Variants in GABBR2 observed in about 807,000 individuals in gnomAD.
GABBR2 encodes gamma-aminobutyric acid type B receptor subunit 2, also known as G-protein coupled receptor 51.
Under a neutral mutation model 105.6 loss-of-function variants are expected in GABBR2, and 23 were observed. The observed-to-expected ratio is 0.22, with a 90% CI of 0.16 to 0.31. The LOEUF is 0.31. GABBR2 is among the 10% of genes least tolerant of loss of function. The pLI is 1.00. For missense variants in GABBR2, 734 were observed against 1,245.5 expected (o/e 0.59, Z 6.18); for synonymous variants, 478 against 499.7 (o/e 0.96, Z 0.58).
chr9:98,327,564 A>C (rs1298341002), intron 13 of GABBR2, among the ~76,000 whole-genome samples: 2 of 152,162 alleles, frequency 1.3e-5, no homozygotes, highest in African/African-American at 4.8e-5. Context: ...AATAAAATTA[A>C]ATTTATTAAC....
intron 1 of GABBR2, among the ~76,000 whole-genome samples, chr9:98,630,517 C>A (rs1198563578): frequency 6.6e-6 from 1 of 152,194 alleles, no homozygotes; most frequent in Non-Finnish European, 1.5e-5. Flanking sequence ...CAAAGACCTA[C>A]TGAGGCAGGA....
intron 4 of GABBR2, among the ~76,000 whole-genome samples, chr9:98,493,180 G>C (rs1680790805): frequency 6.6e-6 from 1 of 152,084 alleles, no homozygotes; most frequent in Non-Finnish European, 1.5e-5. Context: ...GCCATTGGGA[G>C]CTCTTTCAAT....
intron 12 of GABBR2, among the ~76,000 whole-genome samples, chr9:98,365,210 AG>A (rs752966459): frequency 3.3e-5 from 5 of 152,234 alleles, no homozygotes; most frequent in Non-Finnish European, 7.3e-5. Context: ...TTCTTTTTAA[AG>A]TGTGGTCAGT....
intron 7 of GABBR2, among the ~76,000 whole-genome samples, chr9:98,420,366 C>T (rs565345006): frequency 5.3e-5 from 8 of 152,170 alleles, no homozygotes; most frequent in Admixed American, 1.3e-4. Context: ...CGCCAGAGCC[C>T]CAGTGGCTGT....
chr9:98,309,726 T>C (rs3780443), intron 14 of GABBR2, among the ~76,000 whole-genome samples: 38,450 of 152,170 alleles, frequency 0.25, 5,150 homozygotes, highest in South Asian at 0.4. Flanking sequence ...GGGTACCTCC[T>C]GTGGACACCC....
At chr9:98,623,624 T>C (rs1829697813) in intron 1 of GABBR2, among the ~76,000 whole-genome samples, 1 of 152,172 alleles carries the variant, frequency 6.6e-6, no homozygotes, top group South Asian at 2.1e-4. Flanking sequence ...CTGTAATCCT[T>C]GGCTCATGGC....
intron 7 of GABBR2, among the ~76,000 whole-genome samples, chr9:98,413,655 C>A (rs1832629934): frequency 6.6e-6 from 1 of 152,216 alleles, no homozygotes; most frequent in African/African-American, 2.4e-5. Flanking sequence ...CACTGCCAGC[C>A]TTCGGCGGGT....
intron 1 of GABBR2, among the ~76,000 whole-genome samples, chr9:98,591,188 G>A (rs894970067): frequency 6.6e-6 from 1 of 152,222 alleles, no homozygotes; most frequent in African/African-American, 2.4e-5. Context: ...CATTTGAGCT[G>A]AGCCTTGCGA....
chr9:98,519,057 G>T (rs1446282119), intron 3 of GABBR2, among the ~76,000 whole-genome samples: 4 of 152,212 alleles, frequency 2.6e-5, no homozygotes, highest in Admixed American at 6.5e-5. Context: ...AGTCTGAATG[G>T]AATTTTCCAA....
At chr9:98,327,001 C>T (rs1830935781) in intron 13 of GABBR2, among the ~76,000 whole-genome samples, 1 of 152,222 alleles carries the variant, frequency 6.6e-6, no homozygotes, top group South Asian at 2.1e-4. Flanking sequence ...CCTCGATGAA[C>T]TCTGGAGATT....
At chr9:98,634,761 G>A (rs1282074143) in intron 1 of GABBR2, among the ~76,000 whole-genome samples, 2 of 152,168 alleles carry the variant, frequency 1.3e-5, no homozygotes, top group Non-Finnish European at 2.9e-5. Context: ...GATCAAAAGT[G>A]TAGACATCAA....
At chr9:98,374,000 G>A (rs1402876256) in intron 11 of GABBR2, among the ~76,000 whole-genome samples, 1 of 151,822 alleles carries the variant, frequency 6.6e-6, no homozygotes, top group Non-Finnish European at 1.5e-5. Flanking sequence ...TGGGACTGCA[G>A]GCATGCACCA....
At chr9:98,461,976 C>T (rs975310097) in intron 6 of GABBR2, among the ~76,000 whole-genome samples, 2 of 152,238 alleles carry the variant, frequency 1.3e-5, no homozygotes, top group Non-Finnish European at 2.9e-5. Context: ...GGGGGATCCA[C>T]TCCCATGATC....
chr9:98,489,867 C>T (rs929204594), intron 4 of GABBR2, among the ~76,000 whole-genome samples: 2 of 152,128 alleles, frequency 1.3e-5, no homozygotes, highest in Non-Finnish European at 2.9e-5. Flanking sequence ...TCAAGGCGGA[C>T]GGATCACCTA....
At chr9:98,379,160 C>T (rs182086352) in intron 11 of GABBR2, among the ~76,000 whole-genome samples, 1 of 152,226 alleles carries the variant, frequency 6.6e-6, no homozygotes, top group Non-Finnish European at 1.5e-5. Flanking sequence ...TAGGCAGGAC[C>T]CAAGTCTGTT....
At chr9:98,405,781 C>G (rs777135312) in intron 8 of GABBR2, among the ~76,000 whole-genome samples, 22 of 152,200 alleles carry the variant, frequency 1.4e-4, no homozygotes, top group Non-Finnish European at 2.5e-4. Context: ...AAAAAAAAGT[C>G]TGTATGTATT....
intron 3 of GABBR2, among the ~76,000 whole-genome samples, chr9:98,517,876 A>C (rs1827788556): frequency 6.7e-6 from 1 of 149,488 alleles, no homozygotes; most frequent in Non-Finnish European, 1.5e-5. Context: ...GAGTCAGAAG[A>C]CCAGTGAGAG....
intron 1 of GABBR2, among the ~76,000 whole-genome samples, chr9:98,663,421 G>A (rs930245164): frequency 2.0e-5 from 3 of 152,134 alleles, no homozygotes; most frequent in Admixed American, 2.0e-4. Context: ...ATACTAAAAG[G>A]CCAGACAGCA....
intron 1 of GABBR2, among the ~76,000 whole-genome samples, chr9:98,597,336 C>T (rs1046860100): frequency 2.0e-5 from 3 of 152,210 alleles, no homozygotes; most frequent in Non-Finnish European, 4.4e-5. Flanking sequence ...GGACAACATG[C>T]ATGGGCTGAG....
Sources: gnomAD v4.1 joint callset for allele counts (sites outside exome capture counted in the v4.1 genomes callset) on GRCh38, gnomAD v4.1.1 for gene constraint, MANE v1.5 for transcripts, NCBI Gene and HGNC (gene_info 2026-07-23, HGNC 2026-07-21) for gene names.